Variants in NFIA observed in about 807,000 individuals in gnomAD.
The protein encoded by NFIA is nuclear factor I A.
A neutral mutation model predicts 62.8 loss-of-function variants in NFIA; 8 were observed. The observed-to-expected ratio is 0.13, with a 90% CI of 0.07 to 0.23. NFIA has a LOEUF of 0.23. Among genes scored for constraint, NFIA ranks in the 10% least tolerant of loss-of-function variants. The pLI is 1.00. For missense variants in NFIA, 410 were observed against 642.1 expected (o/e 0.64, Z 3.91); for synonymous variants, 235 against 238.1 (o/e 0.99, Z 0.12).
At chr1:61,410,528 C>G (rs1309767414) in intron 9 of NFIA, among the ~76,000 whole-genome samples, 1 of 152,136 alleles carries the variant, frequency 6.6e-6, no homozygotes, top group Non-Finnish European at 1.5e-5. Context: ...AGGCTGTTCT[C>G]AAAAATGTAA....
chr1:61,424,382 A>G (rs1666772527), intron 9 of NFIA, among the ~76,000 whole-genome samples: 1 of 149,752 alleles, frequency 6.7e-6, no homozygotes, highest in South Asian at 2.2e-4. Flanking sequence ...TGTTGGGATC[A>G]GTTAGCATGC....
chr1:61,405,930 A>G (rs950246639), intron 8 of NFIA, among the ~76,000 whole-genome samples: 3 of 152,220 alleles, frequency 2.0e-5, no homozygotes, highest in African/African-American at 4.8e-5. Context: ...TTTCCCTAGC[A>G]GACTTCTGAC....
chr1:61,122,464 A>G (rs1006907201), intron 2 of NFIA, among the ~76,000 whole-genome samples: 2 of 152,100 alleles, frequency 1.3e-5, no homozygotes, highest in Non-Finnish European at 2.9e-5. Context: ...CCTACCTACT[A>G]TTCTCTCCTG....
chr1:61,209,348 C>T (rs1054440724), intron 2 of NFIA, among the ~76,000 whole-genome samples: 14 of 152,070 alleles, frequency 9.2e-5, no homozygotes, highest in Non-Finnish European at 1.8e-4. Context: ...AAACAGGTTT[C>T]CCTTCCCCTA....
At chr1:61,186,955 T>G (rs1171569657) in intron 2 of NFIA, among the ~76,000 whole-genome samples, 1 of 152,208 alleles carries the variant, frequency 6.6e-6, no homozygotes, top group Non-Finnish European at 1.5e-5. Flanking sequence ...CTATCCCTGC[T>G]TAGTCACTTT....
intron 3 of NFIA, among the ~76,000 whole-genome samples, chr1:61,320,920 T>C (rs1660648557): frequency 6.6e-6 from 1 of 152,142 alleles, no homozygotes; most frequent in African/African-American, 2.4e-5. Context: ...CCCTAGTATA[T>C]GTAAAAGTTC....
At chr1:61,363,479 C>T (rs1357599067) in intron 6 of NFIA, among the ~76,000 whole-genome samples, 1 of 151,948 alleles carries the variant, frequency 6.6e-6, no homozygotes, top group Non-Finnish European at 1.5e-5. Flanking sequence ...TGCTGCATGC[C>T]TATAATCCCA....
chr1:61,118,659 AGTGTGTGTGTGTGTGTGTGTGTGT>A (rs5774536), intron 2 of NFIA, among the ~76,000 whole-genome samples: 6 of 145,294 alleles, frequency 4.1e-5, no homozygotes, highest in Admixed American at 2.7e-4. Flanking sequence ...GGTCGGGATG[AGTGTGTGTGTGTGTGTGTGTGTGT>A]GTGTGTGTGT....
intron 2 of NFIA, among the ~76,000 whole-genome samples, chr1:61,250,764 G>A (rs1428241835): frequency 2.6e-5 from 4 of 152,178 alleles, no homozygotes; most frequent in South Asian, 2.1e-4. Flanking sequence ...ATCATAGCTC[G>A]AGTTTTTTCT....
intron 3 of NFIA, among the ~76,000 whole-genome samples, chr1:61,282,615 C>T (rs542798773): frequency 1.2e-4 from 18 of 152,284 alleles, no homozygotes; most frequent in African/African-American, 3.9e-4. Context: ...TGCACTGAGT[C>T]AGTGTCTGAG....
intron 6 of NFIA, among the ~76,000 whole-genome samples, chr1:61,380,834 G>A (rs1485557811): frequency 6.6e-6 from 1 of 152,086 alleles, no homozygotes; most frequent in Non-Finnish European, 1.5e-5. Context: ...CCCTTGCAAA[G>A]AAGATTTAAA....
chr1:61,284,312 A>G (rs949811092), intron 3 of NFIA, among the ~76,000 whole-genome samples: 21 of 152,190 alleles, frequency 1.4e-4, no homozygotes, highest in African/African-American at 4.8e-4. Flanking sequence ...GGGAACTAGA[A>G]TTTGGTTTCA....
chr1:61,424,566 C>G, intron 9 of NFIA, among the ~76,000 whole-genome samples: 1 of 152,116 alleles, frequency 6.6e-6, no homozygotes. Flanking sequence ...CCCTTCATTC[C>G]TTTTTGTTCC....
At chr1:61,271,012 T>TA (rs1376484574) in intron 2 of NFIA, among the ~76,000 whole-genome samples, 1 of 152,234 alleles carries the variant, frequency 6.6e-6, no homozygotes, top group Non-Finnish European at 1.5e-5. Flanking sequence ...ACCAGCTTCT[T>TA]ACCATTGACT....
chr1:61,167,726 A>C (rs1337619366), intron 2 of NFIA, among the ~76,000 whole-genome samples: 1 of 152,186 alleles, frequency 6.6e-6, no homozygotes, highest in East Asian at 1.9e-4. Context: ...TGAGCCAAAA[A>C]TGGTGTTATT....
chr1:61,088,987 T>A lies in NFIA; in HGVS notation c.559+307T>A, dbSNP rs145449568. 3.0e-4 allele frequency among the ~76,000 whole-genome samples: 46 copies of A among 152,364 alleles called. No homozygotes were observed. Among genetic ancestry groups the A allele is most frequent in the African/African-American group, 1.0e-3 (42 of 41,594 alleles). ...TGAGAGAAGCCTCGTGAAAACCCTT[T>A]TAATAAAGAGTATATTTTAACTGAC... On this transcript the variant is annotated intron_variant, in intron 2 of 10. Coordinates refer to ENST00000403491, the MANE Select transcript of NFIA (RefSeq NM_001134673.4). This position sits in a 1 kb window ranked among gnomAD's most constrained non-coding sequence, Gnocchi z 4.5.
intron 2 of NFIA, among the ~76,000 whole-genome samples, chr1:61,091,294 A>G (rs1646315896): frequency 6.6e-6 from 1 of 152,214 alleles, no homozygotes; most frequent in African/African-American, 2.4e-5. Flanking sequence ...TAGGAAGTTG[A>G]AATCTCAGAA....
intron 2 of NFIA, among the ~76,000 whole-genome samples, chr1:61,193,102 T>C (rs1437014790): frequency 1.3e-5 from 2 of 152,232 alleles, no homozygotes; most frequent in African/African-American, 4.8e-5. Flanking sequence ...CAGAATCCTC[T>C]AATGTGGGGG....
chr1:61,329,049 C>CTTTTTTTTTT (rs369972455), intron 3 of NFIA, among the ~76,000 whole-genome samples: 2 of 122,444 alleles, frequency 1.6e-5, no homozygotes, highest in Non-Finnish European at 1.7e-5. Context: ...TTCTTTTTTT[C>CTTTTTTTTTT]TTTTTTTTTT....
Sources: gnomAD v4.1 joint callset for allele counts (sites outside exome capture counted in the v4.1 genomes callset) on GRCh38, gnomAD v4.1.1 for gene constraint, Gnocchi (gnomAD v3.1) non-coding constraint, MANE v1.5 for transcripts, NCBI Gene and HGNC (gene_info 2026-07-23, HGNC 2026-07-21) for gene names.